C12orf42: variants seen among roughly 807,000 people sequenced by gnomAD.
C12orf42 encodes the protein chromosome 12 open reading frame 42, also known as uncharacterized protein C12orf42.
C12orf42 carries 25 observed loss-of-function variants against 21.6 expected under a neutral mutation model. The observed-to-expected ratio is 1.16, with a 90% CI of 0.84 to 1.62. C12orf42 has a LOEUF of 1.62. Among genes scored for constraint, C12orf42 ranks in the 40% most tolerant of loss-of-function variants. The probability of loss-of-function intolerance (pLI) is 0.00; values close to 1 mark genes in which losing one functional copy is unlikely to be tolerated. For missense variants in C12orf42, 483 were observed against 459.3 expected (o/e 1.05, Z -0.47); for synonymous variants, 174 against 175.0 (o/e 0.99, Z 0.05).
the C12orf42 span, among the ~76,000 whole-genome samples, chr12:103,185,684 T>G: frequency 6.6e-6 from 1 of 152,108 alleles, no homozygotes; most frequent in Non-Finnish European, 1.5e-5. Context: ...TGGGGGTGGT[T>G]TCCCCAATAC....
the C12orf42 span, among the ~76,000 whole-genome samples, chr12:103,165,570 G>T: frequency 6.6e-6 from 1 of 152,064 alleles, no homozygotes; most frequent in Non-Finnish European, 1.5e-5. Context: ...CCAACTAATG[G>T]ACTATCTCCT....
chr12:103,439,078 G>C (rs1950983689), intron 2 of C12orf42, among the ~76,000 whole-genome samples: 1 of 151,938 alleles, frequency 6.6e-6, no homozygotes, highest in Non-Finnish European at 1.5e-5. Context: ...CAATGGAACA[G>C]AACAGAGCCC....
At chr12:103,438,904 C>A (rs1398854807) in intron 2 of C12orf42, among the ~76,000 whole-genome samples, 3 of 151,720 alleles carry the variant, frequency 2.0e-5, no homozygotes, top group Non-Finnish European at 4.4e-5. Context: ...TTGGAAAAAA[C>A]TACTTTAAAG....
chr12:103,229,941 T>C, the C12orf42 span, among the ~76,000 whole-genome samples: 1 of 152,214 alleles, frequency 6.6e-6, no homozygotes. Flanking sequence ...TTTTGAGGCA[T>C]ACCCATGAAG....
the C12orf42 span, among the ~76,000 whole-genome samples, chr12:103,532,720 C>T: frequency 6.6e-6 from 1 of 152,128 alleles, no homozygotes; most frequent in African/African-American, 2.4e-5. Context: ...AAACACTGTC[C>T]TGTGTCATTT....
the C12orf42 span, among the ~76,000 whole-genome samples, chr12:103,198,155 T>A: frequency 9.9e-5 from 15 of 152,210 alleles, no homozygotes; most frequent in Middle Eastern, 3.4e-3. Flanking sequence ...AGCAACAGGA[T>A]CTGCATACAC....
At position 103,362,590 on chromosome 12, in the gene C12orf42, T is replaced by G. The variant is rs368114522; in HGVS notation, c.259+6297A>C. Among the ~76,000 whole-genome samples the G allele has an allele frequency of 3.2e-3, 493 of 151,804 alleles. 3 individuals carry two copies. Among genetic ancestry groups the G allele is most frequent in the African/African-American group, 0.011 (467 of 41,372 alleles). Reference sequence around the variant, plus strand: ...AAAGGTGAAGTCCAATTTAAGGAAATTGAAAACATGATATAAGAAATGAAG... The same window carrying G: ...AAAGGTGAAGTCCAATTTAAGGAAAGTGAAAACATGATATAAGAAATGAAG... On this transcript the variant is annotated intron_variant, in intron 4 of 5. Coordinates refer to ENST00000548883, the MANE Select transcript of C12orf42 (RefSeq NM_198521.5).
At chr12:103,205,025 A>C in the C12orf42 span, among the ~76,000 whole-genome samples, 1 of 152,220 alleles carries the variant, frequency 6.6e-6, no homozygotes, top group African/African-American at 2.4e-5. Context: ...CTGACTAGTC[A>C]CCAGGGAAGT....
the C12orf42 span, among the ~76,000 whole-genome samples, chr12:103,154,544 A>G: frequency 6.6e-6 from 1 of 152,148 alleles, no homozygotes; most frequent in Admixed American, 6.6e-5. Context: ...GAGAAATGCA[A>G]ATCAAAGGAA....
In C12orf42 at chr12:103,355,341, A is replaced by G. The variant is rs2043448013; in HGVS notation, c.259+13546T>C. Among the ~76,000 whole-genome samples, 3 of 152,044 alleles carry G rather than the reference A, an allele frequency of 2.0e-5. No homozygotes were observed. The South Asian group carries it at 6.2e-4, about 32-fold the overall frequency. ...GGTGTGTTTGCACATACATGCATAC[A>G]CTCTTGTCTGCATATACTTCTGTAT... is the stretch of plus-strand genomic sequence containing the variant. On this transcript the variant is annotated intron_variant, in intron 4 of 5. Transcript: ENST00000548883.
the C12orf42 span, among the ~76,000 whole-genome samples, chr12:103,141,342 G>A: frequency 6.6e-6 from 1 of 152,004 alleles, no homozygotes; most frequent in Non-Finnish European, 1.5e-5. Flanking sequence ...CAAATATAAG[G>A]CAATAATAAA....
the C12orf42 span, among the ~76,000 whole-genome samples, chr12:103,545,169 A>C: frequency 6.6e-6 from 1 of 152,208 alleles, no homozygotes; most frequent in South Asian, 2.1e-4. Flanking sequence ...TGAGGATTTC[A>C]CTGGCAGGTA....
At chr12:103,294,568 A>AAAGGAAGGAAGG (rs763931253) in intron 4 of C12orf42, among the ~76,000 whole-genome samples, 1,493 of 119,392 alleles carry the variant, frequency 0.013, 39 homozygotes, top group South Asian at 0.025. Context: ...AAAGAAAAAG[A>AAAGGAAGGAAGG]AAGGAAGGAA....
intron 4 of C12orf42, among the ~76,000 whole-genome samples, chr12:103,280,633 C>T (rs946303609): frequency 6.6e-6 from 1 of 151,856 alleles, no homozygotes; most frequent in Middle Eastern, 3.4e-3. Flanking sequence ...CAAAAAAAAT[C>T]TTGAATGGTA....
chr12:103,424,829 G>A (rs376754764), intron 2 of C12orf42, among the ~76,000 whole-genome samples: 61 of 152,250 alleles, frequency 4.0e-4, no homozygotes, highest in Middle Eastern at 6.8e-3. Context: ...GAACACCAGC[G>A]AGACAGAACC....
intron 2 of C12orf42, among the ~76,000 whole-genome samples, chr12:103,416,317 C>A (rs1210036673): frequency 6.6e-6 from 1 of 151,688 alleles, no homozygotes; most frequent in African/African-American, 2.4e-5. Context: ...ATTCTGTGAA[C>A]CAAAAGGTTT....
chr12:103,433,544 T>G (rs192040053), intron 2 of C12orf42, among the ~76,000 whole-genome samples: 1 of 152,338 alleles, frequency 6.6e-6, no homozygotes, highest in East Asian at 1.9e-4. Context: ...TCTGTAGATC[T>G]AACTACCCAT....
At chr12:103,336,360 A>G (rs947219356) in intron 4 of C12orf42, among the ~76,000 whole-genome samples, 3 of 152,232 alleles carry the variant, frequency 2.0e-5, no homozygotes, top group African/African-American at 7.2e-5. Context: ...TTTTAGTCAG[A>G]AAACTGAGGG....
intron 2 of C12orf42, among the ~76,000 whole-genome samples, chr12:103,411,541 G>A (rs184197864): frequency 6.8e-4 from 104 of 152,284 alleles, no homozygotes; most frequent in African/African-American, 2.4e-3. Context: ...ATACCATTAA[G>A]AAGTGGGGTC....
Sources: gnomAD v4.1 joint callset for allele counts (sites outside exome capture counted in the v4.1 genomes callset) on GRCh38, gnomAD v4.1.1 for gene constraint, MANE v1.5 for transcripts, NCBI Gene and HGNC (gene_info 2026-07-23, HGNC 2026-07-21) for gene names.